The following WDR47 variants were observed in gnomAD, a reference collection of about 807,000 sequenced individuals.
WDR47 encodes the protein WD repeat domain 47, also known as WD repeat-containing protein 47.
WDR47 carries 32 observed loss-of-function variants against 97.2 expected under a neutral mutation model. The observed-to-expected ratio is 0.33, with a 90% CI of 0.25 to 0.44. The LOEUF (loss-of-function observed/expected upper bound fraction) is 0.44, where lower values mean the gene tolerates loss of function less well. WDR47 is among the 20% of genes least tolerant of loss of function. The probability of loss-of-function intolerance (pLI) is 1.00; values close to 1 mark genes in which losing one functional copy is unlikely to be tolerated. For missense variants in WDR47, 782 were observed against 1,102.3 expected, an observed-to-expected ratio of 0.71 and a Z score of 4.11; for synonymous variants, 375 against 373.5, an observed-to-expected ratio of 1.00 and a Z score of -0.05.
At position 109,002,301 on chromosome 1, in the gene WDR47, C is replaced by T. The variant is rs372910412; in HGVS notation, c.1356G>A (p.Gln452=). 6.2e-7 allele frequency: 1 copy of T among 1,613,232 alleles called. No homozygotes were observed. The highest frequency in any genetic ancestry group is 8.5e-7 in the Non-Finnish European group (1 of 1,179,906). Residue 452 remains glutamine (Q), a synonymous_variant, in exon 7 of 15, where the codon CAG becomes CAA. Transcript: ENST00000369962. ...GATTCACGCCTCCTTCAAGCAACATCTGTTGGTATATCTGCCGCTGTTGCT... is the reference window on the plus strand; with the variant it reads ...GATTCACGCCTCCTTCAAGCAACATTTGTTGGTATATCTGCCGCTGTTGCT... ...QKEQQRQIYQ[Q]MLLEGGVNQE...
intron 7 of WDR47, among the ~76,000 whole-genome samples, chr1:108,999,316 A>G (rs1410126585): frequency 6.6e-6 from 1 of 152,052 alleles, no homozygotes; most frequent in Non-Finnish European, 1.5e-5. Flanking sequence ...CTAATATATA[A>G]AAATTTAGGA....
At chr1:109,039,796 G>C (rs1046279377) in intron 1 of WDR47, among the ~76,000 whole-genome samples, 2 of 151,832 alleles carry the variant, frequency 1.3e-5, no homozygotes, top group African/African-American at 2.4e-5. Flanking sequence ...CCAACATTGC[G>C]AGCCCAAGGC....
chr1:109,031,263 A>G (rs1662589707), intron 1 of WDR47, among the ~76,000 whole-genome samples: 1 of 140,178 alleles, frequency 7.1e-6, no homozygotes, highest in Non-Finnish European at 1.6e-5. Flanking sequence ...CAATTTATCA[A>G]TTACTTTAAT....
chr1:109,001,610 G>A (rs1256402996), intron 7 of WDR47, among the ~76,000 whole-genome samples: 1 of 152,070 alleles, frequency 6.6e-6, no homozygotes, highest in Non-Finnish European at 1.5e-5. Flanking sequence ...GTAGATAAGG[G>A]CCAGCACAGT....
chr1:108,976,015 G>T (rs1221242983), intron 13 of WDR47, among the ~76,000 whole-genome samples: 1 of 152,188 alleles, frequency 6.6e-6, no homozygotes, highest in Non-Finnish European at 1.5e-5. Context: ...GCAAAAGGTA[G>T]GTTAGGGCCA....
chr1:108,997,660 T>C lies in WDR47; in HGVS notation c.1434-1823A>G, dbSNP rs545785914. Among the ~76,000 whole-genome samples, 4 of 146,982 alleles carry C rather than the reference T, an allele frequency of 2.7e-5. No individual in the cohort carries two copies. The South Asian group carries it at 8.5e-4, about 31-fold the overall frequency. On this transcript the variant is annotated intron_variant, in intron 7 of 14. Transcript: ENST00000369962. ...CTGTAGTCCCAGCTTCTCGGGAGGC[T>C]GAGGCAGGAGAATGGCGTGAACCTG...
At chr1:108,986,775 T>G in intron 9 of WDR47, 95 bp from the exon 10 acceptor site, 1 of 1,077,234 alleles carries the variant, frequency 9.3e-7, no homozygotes. Flanking sequence ...ACTTTATTAT[T>G]CTTGTTGGAT....
chr1:108,982,146 G>A (rs1019352187), intron 12 of WDR47, among the ~76,000 whole-genome samples: 1 of 152,086 alleles, frequency 6.6e-6, no homozygotes, highest in Non-Finnish European at 1.5e-5. Flanking sequence ...GGTCTGGTTA[G>A]TCAAATATAC....
intron 10 of WDR47, 146 bp downstream of exon 10, chr1:108,986,377 A>G: frequency 7.5e-6 from 5 of 662,354 alleles, no homozygotes; most frequent in Non-Finnish European, 9.3e-6. Flanking sequence ...AAGTAAAAAC[A>G]GTTATTTTAT....
chr1:109,007,329 A>T (rs1241373127), intron 5 of WDR47, among the ~76,000 whole-genome samples: 1 of 151,540 alleles, frequency 6.6e-6, no homozygotes. Context: ...TATAACATTT[A>T]AAAAAACAAT....
At chr1:108,995,458 A>G in intron 8 of WDR47, 122 bp downstream of exon 8, 1 of 1,187,128 alleles carries the variant, frequency 8.4e-7, no homozygotes, top group East Asian at 2.4e-5. Flanking sequence ...CAGATTAGGA[A>G]AAAAAATTGG....
In WDR47 at chr1:108,986,538, T is replaced by G; in HGVS notation, c.1910A>C (p.Asp637Ala). 6.2e-7 allele frequency: 1 copy of G among 1,610,350 alleles called. No individual in the cohort carries two copies. Among genetic ancestry groups the G allele is most frequent in the Non-Finnish European group, 8.5e-7 (1 of 1,178,334 alleles). Residue 637 changes from aspartate (D) to alanine (A), a missense_variant, in exon 10 of 15, where the codon GAT becomes GCT. Physicochemically the swap from Asp to Ala is moderately radical, Grantham distance 126 (BLOSUM62 -2). Transcript: ENST00000369962. ...SKTLRVCAYP[D>A]VIDPSAHETP... The stretch of plus-strand genomic sequence containing the variant: ...TGATCCTTACCTTGGATCAATTACA[T>G]CTGGATAGGCACATACTCTCAGAGT...
At chr1:109,033,946 A>G (rs747052508) in intron 1 of WDR47, among the ~76,000 whole-genome samples, 1 of 152,198 alleles carries the variant, frequency 6.6e-6, no homozygotes, top group Admixed American at 6.5e-5. Flanking sequence ...AGAAGAATGT[A>G]AACTGGGACT....
chr1:108,980,915 T>C (rs937563014), intron 13 of WDR47, among the ~76,000 whole-genome samples: 41 of 151,496 alleles, frequency 2.7e-4, no homozygotes, highest in African/African-American at 9.0e-4. Flanking sequence ...ATCATGAGGA[T>C]AGGAGATCAA....
In WDR47 at chr1:108,990,507, C is replaced by T. The variant is rs1462559518; in HGVS notation, c.1767+747G>A. On this transcript the variant is annotated intron_variant, in intron 9 of 14. Coordinates refer to ENST00000369962, the MANE Select transcript of WDR47 (RefSeq NM_001142551.2). ...TACAGGTGTGAGCCACCATGCCTGG[C>T]CTAATATTTTTTTTTAAATCAAAGG... Among the ~76,000 whole-genome samples the T allele has an allele frequency of 2.6e-5, 4 of 152,018 alleles. No homozygotes were observed. In the East Asian group the frequency reaches 7.7e-4, roughly 29 times the overall value.
intron 13 of WDR47, among the ~76,000 whole-genome samples, chr1:108,981,065 T>C (rs1019393930): frequency 2.6e-5 from 4 of 151,414 alleles, no homozygotes; most frequent in African/African-American, 9.7e-5. Context: ...GAGGCAGAGC[T>C]TGCAGTGAGC....
At position 108,995,537 on chromosome 1, in the gene WDR47, T is replaced by C. The variant is rs746913990; in HGVS notation, c.1691+43A>G. ...ACAAGTTCAACCTTCTAACCATTAG[T>C]AGTAAGTTAATATTTCCAAGTTTTA... On this transcript the variant is annotated intron_variant, in intron 8 of 14. Coordinates refer to ENST00000369962, the MANE Select transcript of WDR47 (RefSeq NM_001142551.2). 10 of 1,604,470 alleles carry C rather than the reference T, an allele frequency of 6.2e-6. No homozygotes were observed. In the South Asian group the frequency reaches 8.9e-5, roughly 14 times the overall value.
chr1:108,974,592 G>T lies in WDR47; in HGVS notation c.2561C>A (p.Ala854Asp). The T allele has an allele frequency of 6.2e-7, 1 of 1,614,164 alleles. No individual in the cohort carries two copies. The highest frequency in any genetic ancestry group is 1.1e-5 in the South Asian group (1 of 91,080). The change falls in exon 14 of 15, where the codon GCT becomes GAT. Residue 854 changes from alanine to aspartate, a missense_variant. By Grantham distance (126) the Ala-to-Asp change is moderately radical (BLOSUM62 -2). Coordinates refer to ENST00000369962, the MANE Select transcript of WDR47 (RefSeq NM_001142551.2). ...DVRSVRFSPG[A>D]HYLLTGSYDM... ...ATAAGAGCCTGTTAGCAAGTAGTGAGCTCCAGGGGAGAATCGAACAGAGCG... is the reference window on the plus strand; with the variant it reads ...ATAAGAGCCTGTTAGCAAGTAGTGATCTCCAGGGGAGAATCGAACAGAGCG...
intron 1 of WDR47, among the ~76,000 whole-genome samples, chr1:109,035,585 C>T (rs1043329902): frequency 3.3e-5 from 5 of 151,152 alleles, no homozygotes; most frequent in Non-Finnish European, 5.9e-5. Flanking sequence ...GCAATCTCTG[C>T]CTCCTGGGCT....
Sources: allele counts gnomAD v4.1 joint callset (sites outside exome capture counted in the v4.1 genomes callset), GRCh38; gene constraint gnomAD v4.1.1; transcripts MANE v1.5; gene names NCBI Gene and HGNC (gene_info 2026-07-23, HGNC 2026-07-21).